BTBD16: variants seen among roughly 807,000 people sequenced by gnomAD.
BTBD16 encodes the protein BTB domain containing 16.
A neutral mutation model predicts 67.4 loss-of-function variants in BTBD16; 66 were observed. That is an observed-to-expected ratio of 0.98 (90% confidence interval 0.80 to 1.20). The LOEUF (loss-of-function observed/expected upper bound fraction) is 1.20. Among genes scored for constraint, BTBD16 ranks in the 50% most tolerant of loss-of-function variants. The probability of loss-of-function intolerance (pLI) is 0.00; values close to 1 mark genes in which losing one functional copy is unlikely to be tolerated. For missense variants in BTBD16, 634 were observed against 616.0 expected (o/e 1.03, Z -0.31); for synonymous variants, 242 against 236.4 (o/e 1.02, Z -0.22).
intron 10 of BTBD16, among the ~76,000 whole-genome samples, chr10:122,317,942 C>A (rs2096428898): frequency 6.6e-6 from 1 of 152,136 alleles, no homozygotes; most frequent in Non-Finnish European, 1.5e-5. Flanking sequence ...TATAATAGTA[C>A]ATAAGCCAGT....
In BTBD16 at chr10:122,299,938, C is replaced by G. The variant is rs146249372; in HGVS notation, c.791+804C>G. ...CACAGCATAAGTGCAGCCACGGGGC[C>G]CCCCCTGAAACTTCCCTGATGAACA... On this transcript the variant is annotated intron_variant, in intron 9 of 15. Transcript: ENST00000260723. Among the ~76,000 whole-genome samples the G allele has an allele frequency of 2.6e-4, 39 of 152,216 alleles. No individual in the cohort carries two copies. In the East Asian group the frequency reaches 7.2e-3, roughly 28 times the overall value.
intron 10 of BTBD16, among the ~76,000 whole-genome samples, chr10:122,317,062 T>C (rs1240196230): frequency 2.0e-5 from 3 of 152,192 alleles, no homozygotes; most frequent in Non-Finnish European, 4.4e-5. Context: ...GTGTTGGGAT[T>C]ACAGGCGTGA....
At chr10:122,280,538 G>A (rs1252661440) in intron 3 of BTBD16, among the ~76,000 whole-genome samples, 1 of 151,300 alleles carries the variant, frequency 6.6e-6, no homozygotes, top group Non-Finnish European at 1.5e-5. Flanking sequence ...GTAAGAATGG[G>A]AAGAAGGGAC....
intron 1 of BTBD16, among the ~76,000 whole-genome samples, chr10:122,271,986 C>T (rs534250779): frequency 3.3e-5 from 5 of 152,158 alleles, no homozygotes; most frequent in Non-Finnish European, 7.3e-5. Flanking sequence ...GAACCCTCTT[C>T]TCTCTTCTCA....
chr10:122,332,769 A>G (rs185060387), intron 13 of BTBD16: 1 of 946,190 alleles, frequency 1.1e-6, no homozygotes, highest in Admixed American at 6.2e-5. Flanking sequence ...GGAATGGAGG[A>G]GTTGCCCTGG....
rs769280292 is a variant in BTBD16 at position 122,338,087 on chromosome 10, A to G, written c.*2A>G. ...GCATTCATCTTCCCAGCATCTTGAC[A>G]GTTTCCAGAAGAATCTATGGGATTT... On this transcript the variant is annotated 3_prime_UTR_variant, in exon 16 of 16. Coordinates refer to ENST00000260723, the MANE Select transcript of BTBD16 (RefSeq NM_144587.5). 1.9e-6 allele frequency: 3 copies of G among 1,588,926 alleles called. No homozygotes were observed. Among genetic ancestry groups the G allele is most frequent in the Non-Finnish European group, 2.6e-6 (3 of 1,157,268 alleles).
intron 9 of BTBD16, among the ~76,000 whole-genome samples, chr10:122,304,166 A>G (rs2096399150): frequency 6.6e-6 from 1 of 152,180 alleles, no homozygotes; most frequent in Non-Finnish European, 1.5e-5. Context: ...CGGCCTCACG[A>G]TGATTGCCAG....
chr10:122,311,846 T>C (rs2096414268), intron 10 of BTBD16, among the ~76,000 whole-genome samples: 1 of 152,238 alleles, frequency 6.6e-6, no homozygotes. Context: ...TTACTACCAA[T>C]ACATCTTCCC....
intron 2 of BTBD16, among the ~76,000 whole-genome samples, chr10:122,276,059 T>G (rs1158933250): frequency 6.6e-6 from 1 of 152,240 alleles, no homozygotes; most frequent in Non-Finnish European, 1.5e-5. Flanking sequence ...TGGATGAACC[T>G]TGAAAACATT....
chr10:122,305,190 T>A (rs1268597539), intron 9 of BTBD16, among the ~76,000 whole-genome samples: 1 of 152,240 alleles, frequency 6.6e-6, no homozygotes, highest in Non-Finnish European at 1.5e-5. Flanking sequence ...CAGGGGTACA[T>A]GTGCAGGTTG....
chr10:122,335,026 G>C (rs562127889), intron 14 of BTBD16, 47 bp downstream of exon 14: 1 of 884,220 alleles, frequency 1.1e-6, no homozygotes, highest in African/African-American at 1.7e-5. Flanking sequence ...CAGTCTTTTA[G>C]AGTTAGAGTC....
In BTBD16 at chr10:122,307,217, C is replaced by G; in HGVS notation, c.820C>G (p.Leu274Val). The G allele has an allele frequency of 6.8e-6, 11 of 1,608,620 alleles. No homozygotes were observed. Among genetic ancestry groups the G allele is most frequent in the Non-Finnish European group, 9.3e-6 (11 of 1,178,430 alleles). ...ATTTACCTTTAGTGAATTCCATCTT[C>G]TGAAAACAATGCTTTTGTGGGTCTT... ...RLFTFSEFHL[L>V]KTMLLWVFLQ... The change falls in exon 10 of 16, where the codon CTG (leucine) becomes GTG (valine). Residue 274 changes from leucine to valine, a missense_variant. Coordinates refer to ENST00000260723, the MANE Select transcript of BTBD16 (RefSeq NM_144587.5).
In BTBD16 at chr10:122,330,476, G is replaced by A. The variant is rs116433130; in HGVS notation, c.1004-700G>A. On this transcript the variant is annotated intron_variant, in intron 11 of 15. Transcript: ENST00000260723. ...GGAGGACTGGTCAAAGCTGACCTTC[G>A]AGGGCCACTGATGGCATTTCCTTTA... 3.3e-5 allele frequency among the ~76,000 whole-genome samples: 5 copies of A among 152,162 alleles called. No homozygotes were observed. The East Asian group carries it at 7.7e-4, about 23-fold the overall frequency.
chr10:122,303,718 A>G (rs1317791447), intron 9 of BTBD16: 2 of 824,316 alleles, frequency 2.4e-6, no homozygotes, highest in African/African-American at 3.7e-5. Context: ...ATTACCATTT[A>G]CATTCCAATG....
At chr10:122,278,045 A>T (rs1351568943) in intron 3 of BTBD16, among the ~76,000 whole-genome samples, 1 of 152,200 alleles carries the variant, frequency 6.6e-6, no homozygotes, top group Non-Finnish European at 1.5e-5. Flanking sequence ...GCGAGTAGCC[A>T]AATCTTCCCT....
In BTBD16 at chr10:122,291,073, T is replaced by C; in HGVS notation, c.476-7T>C. The C allele has an allele frequency of 6.2e-7, 1 of 1,607,640 alleles. No homozygotes were observed. Among genetic ancestry groups the C allele is most frequent in the Non-Finnish European group, 8.5e-7 (1 of 1,177,346 alleles). ...CACAGATGGCTCGCTTGGCTGTGCCTCCCCAGCCTTCGCCACGGCCCTGAA... is the reference window on the plus strand; with the variant it reads ...CACAGATGGCTCGCTTGGCTGTGCCCCCCCAGCCTTCGCCACGGCCCTGAA... On this transcript the variant is annotated splice_polypyrimidine_tract_variant and splice_region_variant and intron_variant, in intron 6 of 15. Transcript: ENST00000260723.
chr10:122,284,037 C>A, intron 4 of BTBD16, 113 bp downstream of exon 4: 2 of 744,420 alleles, frequency 2.7e-6, no homozygotes, highest in South Asian at 1.6e-5. Flanking sequence ...GTATAAGTTG[C>A]AATTCTCATC....
intron 15 of BTBD16, 91 bp downstream of exon 15, chr10:122,336,773 C>T: frequency 1.7e-6 from 2 of 1,155,238 alleles, no homozygotes; most frequent in Non-Finnish European, 2.4e-6. Context: ...ATCTCCAGTG[C>T]TCTACACTGA....
intron 10 of BTBD16, among the ~76,000 whole-genome samples, chr10:122,320,956 A>C (rs10788280): frequency 0.62 from 93,911 of 151,938 alleles, 30,452 homozygotes; most frequent in East Asian, 0.87. Flanking sequence ...CCTGTCACCC[A>C]GGTACTGAGC....
Sources: allele counts gnomAD v4.1 joint callset (sites outside exome capture counted in the v4.1 genomes callset), GRCh38; gene constraint gnomAD v4.1.1; transcripts MANE v1.5; gene names NCBI Gene and HGNC (gene_info 2026-07-23, HGNC 2026-07-21).